YME1L1: variants seen among roughly 807,000 people sequenced by gnomAD.
YME1L1 encodes ATP-dependent zinc metalloprotease YME1L1.
A neutral mutation model predicts 90.4 loss-of-function variants in YME1L1; 39 were observed. The observed-to-expected ratio is 0.43, with a 90% CI of 0.33 to 0.56. The LOEUF (loss-of-function observed/expected upper bound fraction) is 0.56. Ranked by LOEUF, YME1L1 falls within the 20% of genes least tolerant of loss-of-function variation. The pLI is 0.03. For synonymous variants in YME1L1, 284 were observed against 287.3 expected (o/e 0.99, Z 0.12); for missense variants, 617 against 868.4 (o/e 0.71, Z 3.64).
chr10:27,134,836 G>T lies in YME1L1; in HGVS notation c.686C>A (p.Thr229Asn), dbSNP rs1223121209. The T allele has an allele frequency of 3.1e-6, 5 of 1,613,450 alleles. No homozygotes were observed. Among genetic ancestry groups the T allele is most frequent in the Non-Finnish European group, 3.4e-6 (4 of 1,179,694 alleles). The change falls in exon 6 of 19, where the codon ACC (threonine) becomes AAC (asparagine). Residue 229 changes from threonine (T) to asparagine (N), a missense_variant. Transcript: ENST00000376016. ...ATGGTGTCAATTCAACTTACCATTG[G>T]TTTTTTGTGTGAGTGCTTGAGCTTT... is the stretch of plus-strand genomic sequence containing the variant. ...FLKAQALTQKTNDSLRRTRLI... is the reference protein window; with the variant it reads ...FLKAQALTQKNNDSLRRTRLI...
At chr10:27,118,326 G>A (rs1280318289) in intron 14 of YME1L1, among the ~76,000 whole-genome samples, 2 of 152,014 alleles carry the variant, frequency 1.3e-5, no homozygotes, top group African/African-American at 2.4e-5. Flanking sequence ...CTGTAACCCA[G>A]GCTGGAATAC....
At chr10:27,117,524 C>T (rs1359486388) in intron 15 of YME1L1, 52 bp downstream of exon 15, 24 of 1,580,622 alleles carry the variant, frequency 1.5e-5, no homozygotes, top group South Asian at 1.2e-4. Flanking sequence ...GCTGAGATCG[C>T]GCCATTGCAC....
rs76027034 is a variant in YME1L1 at position 27,118,947 on chromosome 10, A to G, written c.1567+347T>C. ...GCCAAATTGTGGTGTTGTCAAGTAT[A>G]TATTTTCATGTTCCCATCACTTTTT... On this transcript the variant is annotated intron_variant, in intron 14 of 18. Coordinates refer to ENST00000376016, the MANE Select transcript of YME1L1 (RefSeq NM_014263.4). 8.7e-3 allele frequency among the ~76,000 whole-genome samples: 1,328 copies of G among 152,310 alleles called. 11 individuals carry two copies. The highest frequency in any genetic ancestry group is 0.017 in the Middle Eastern group (5 of 294).
Position 27,111,970 on chromosome 10 carries a change from A to G in YME1L1, c.*7T>C. On this transcript the variant is annotated 3_prime_UTR_variant, in exon 19 of 19. Coordinates refer to ENST00000376016, the MANE Select transcript of YME1L1 (RefSeq NM_014263.4). The stretch of plus-strand genomic sequence containing the variant: ...AAAACCAGCAAGCATCCATATCAAG[A>G]GAGTTATCATCTCACTTCCAACTTT... 1.2e-6 allele frequency: 2 copies of G among 1,613,982 alleles called. No individual in the cohort carries two copies. The highest frequency in any genetic ancestry group is 1.7e-6 in the Non-Finnish European group (2 of 1,179,972).
rs201442688 is a variant in YME1L1 at position 27,119,498 on chromosome 10, G to A, written c.1412-49C>T. ...GCTAATAAGTCTAAAACAGGTAAAA[G>A]AAAGCTCTTCACAAAGAACTCACAT... On this transcript the variant is annotated intron_variant, in intron 13 of 18. Coordinates refer to ENST00000376016, the MANE Select transcript of YME1L1 (RefSeq NM_014263.4). 3.9e-6 allele frequency: 6 copies of A among 1,555,422 alleles called. No homozygotes were observed. In the Admixed American group the frequency reaches 1.2e-4, roughly 32 times the overall value.
At position 27,119,322 on chromosome 10, in the gene YME1L1, C is replaced by T; in HGVS notation, c.1539G>A (p.Leu513=). 2 of 1,607,276 alleles carry T rather than the reference C, an allele frequency of 1.2e-6. No individual in the cohort carries two copies. Among genetic ancestry groups the T allele is most frequent in the Non-Finnish European group, 1.7e-6 (2 of 1,178,080 alleles). The change falls in exon 14 of 19, where the codon CTG becomes CTA. Residue 513 remains leucine (L), a synonymous_variant. Transcript: ENST00000376016. ...TTAGAATTTTGTCTTTGGAAAACTC[C>T]AGCTCCTTCATGGTAACCATTTCTT... ...DGKEMVTMKE[L]EFSKDKILMG... is the part of the protein sequence containing the mutation.
intron 13 of YME1L1, 88 bp from the exon 14 acceptor site, chr10:27,119,537 G>A (rs531592167): frequency 3.0e-5 from 42 of 1,412,400 alleles, no homozygotes; most frequent in Admixed American, 1.7e-4. Context: ...AACTGGGTGC[G>A]TTGGCTCATG....
intron 2 of YME1L1, 102 bp downstream of exon 2, chr10:27,148,804 T>C: frequency 2.0e-6 from 3 of 1,483,996 alleles, no homozygotes; most frequent in Non-Finnish European, 2.7e-6. Flanking sequence ...TATACTCAAA[T>C]TTTTGACTAC....
intron 4 of YME1L1, among the ~76,000 whole-genome samples, chr10:27,141,601 GACACACACACACACACACACACACACAC>G (rs60043957): frequency 3.1e-4 from 44 of 141,580 alleles, no homozygotes; most frequent in African/African-American, 6.7e-4. Context: ...GATGTCCCTC[GACACACACACACACACACACACACACAC>G]ACACACACAC....
intron 9 of YME1L1, among the ~76,000 whole-genome samples, chr10:27,126,216 G>A (rs758389313): frequency 7.9e-5 from 12 of 152,122 alleles, no homozygotes; most frequent in Non-Finnish European, 1.5e-4. Context: ...GCCAAAGTGA[G>A]TGGATCGCTT....
intron 3 of YME1L1, among the ~76,000 whole-genome samples, chr10:27,142,785 G>A (rs528347410): frequency 2.2e-3 from 340 of 152,152 alleles, no homozygotes; most frequent in African/African-American, 7.9e-3. Flanking sequence ...GCACGACCTC[G>A]GCTCACCGCA....
rs78228654 is a variant in YME1L1, at chr10:27,142,247, C to T, written c.430+140G>A. 1,555 of 485,056 alleles carry T rather than the reference C, an allele frequency of 3.2e-3. 17 individuals are homozygous for T. Among genetic ancestry groups the T allele is most frequent in the African/African-American group, 0.027 (1,362 of 50,156 alleles). 30.0% of individuals were successfully genotyped at this position (485,056 alleles called of 1,614,324 possible). A position where few individuals can be genotyped will look rare whatever the true frequency, so the allele number is the denominator to read the frequency against. The stretch of plus-strand genomic sequence containing the variant: ...CAGATTAAAAATTATACAGAAGTAC[C>T]CAAACTCATTAATTCCAAATACTCT... On this transcript the variant is annotated intron_variant, in intron 4 of 18. Coordinates refer to ENST00000376016, the MANE Select transcript of YME1L1 (RefSeq NM_014263.4).
At position 27,116,141 on chromosome 10, in the gene YME1L1, A is replaced by G. The variant is rs192678265; in HGVS notation, c.1847-8T>C. On this transcript the variant is annotated splice_polypyrimidine_tract_variant and splice_region_variant and intron_variant, in intron 16 of 18. Coordinates refer to ENST00000376016, the MANE Select transcript of YME1L1 (RefSeq NM_014263.4). ...CAAAATCACTGGAAGCACCTAAAAT[A>G]AAATAAAAACATACCATTTTAAAAC... 1.9e-6 allele frequency: 3 copies of G among 1,613,772 alleles called. No individual in the cohort carries two copies. The Admixed American group carries it at 5.0e-5, about 27-fold the overall frequency.
intron 10 of YME1L1, 114 bp downstream of exon 10, chr10:27,123,433 C>A: frequency 1.6e-6 from 2 of 1,276,958 alleles, no homozygotes; most frequent in Non-Finnish European, 2.2e-6. Flanking sequence ...GCTGGAGGCC[C>A]CAAAAAATAG....
At chr10:27,148,415 C>T (rs967383351) in intron 2 of YME1L1, among the ~76,000 whole-genome samples, 2 of 152,030 alleles carry the variant, frequency 1.3e-5, no homozygotes, top group African/African-American at 4.8e-5. Context: ...ATTGGTCAGG[C>T]TAGTCTTGAA....
chr10:27,128,577 C>T (rs1328619575), intron 8 of YME1L1, among the ~76,000 whole-genome samples: 2 of 151,608 alleles, frequency 1.3e-5, no homozygotes, highest in Admixed American at 6.6e-5. Flanking sequence ...CTCTACACCG[C>T]TCCCCCACCC....
At chr10:27,145,284 A>C in intron 3 of YME1L1, 144 bp downstream of exon 3, 1 of 681,994 alleles carries the variant, frequency 1.5e-6, no homozygotes, top group Non-Finnish European at 2.1e-6. Context: ...CAATATGAAA[A>C]ATTGCAAAAA....
rs1400931319 is a variant in YME1L1 at position 27,136,276 on chromosome 10, C to T, written c.540G>A (p.Lys180=). 1 of 1,610,318 alleles carries T rather than the reference C, an allele frequency of 6.2e-7. No individual in the cohort carries two copies. The highest frequency in any genetic ancestry group is 8.5e-7 in the Non-Finnish European group (1 of 1,178,794). ...TTGGATCATAAAAAGGTCTAATTAC[C>T]TTCACGAATGATGGCGCTATATTCT... The part of the protein sequence containing the change: ...ETQNIAPSFV[K]GFLLRDRGSD... The change falls in exon 5 of 19, where the codon AAG becomes AAA. Residue 180 remains lysine (K), a splice_region_variant and synonymous_variant. Coordinates refer to ENST00000376016, the MANE Select transcript of YME1L1 (RefSeq NM_014263.4).
At chr10:27,112,944 G>A (rs1446092018) in intron 18 of YME1L1, among the ~76,000 whole-genome samples, 4 of 152,024 alleles carry the variant, frequency 2.6e-5, no homozygotes, top group Admixed American at 6.6e-5. Flanking sequence ...CTGCCTGGCT[G>A]GGTGCGGTGG....
Sources: gnomAD v4.1 joint callset for allele counts (sites outside exome capture counted in the v4.1 genomes callset) on GRCh38, gnomAD v4.1.1 for gene constraint, MANE v1.5 for transcripts, NCBI Gene and HGNC (gene_info 2026-07-23, HGNC 2026-07-21) for gene names.